RAB33B: variants seen among roughly 807,000 people sequenced by gnomAD.
The protein encoded by RAB33B is RAB33B, member RAS oncogene family, also known as ras-related protein Rab-33B.
In RAB33B, 6 loss-of-function variants were observed where a neutral mutation model predicts 15.0. The observed-to-expected ratio is 0.40, with a 90% CI of 0.22 to 0.79. The LOEUF is 0.79. Ranked by LOEUF, RAB33B falls within the 30% of genes least tolerant of loss-of-function variation. The probability of loss-of-function intolerance (pLI) is 0.37; values close to 1 mark genes in which losing one functional copy is unlikely to be tolerated. For missense variants in RAB33B, 257 were observed against 296.4 expected, an observed-to-expected ratio of 0.87 and a Z score of 0.98; for synonymous variants, 117 against 108.3, an observed-to-expected ratio of 1.08 and a Z score of -0.50.
chr4:139,461,282 C>T (rs1292051814), intron 1 of RAB33B, among the ~76,000 whole-genome samples: 3 of 151,906 alleles, frequency 2.0e-5, no homozygotes, highest in Admixed American at 6.6e-5. Flanking sequence ...AGGGGAGGGC[C>T]GATTCCCAAG....
chr4:139,455,780 G>A (rs1750058658), intron 1 of RAB33B, among the ~76,000 whole-genome samples: 6 of 152,210 alleles, frequency 3.9e-5, no homozygotes, highest in Admixed American at 3.9e-4. Flanking sequence ...AGCTTCTGAA[G>A]TTCCAAGGGA....
rs1392056372 is a variant in RAB33B at position 139,476,267 on chromosome 4, A to G, written c.*3141A>G. 1 of 152,238 alleles carries G rather than the reference A, an allele frequency of 6.6e-6. No homozygotes were observed. The highest frequency in any genetic ancestry group is 2.4e-5 in the African/African-American group (1 of 41,464). The allele number at this position is 152,238 out of a possible 1,614,324, so 9.4% of individuals were successfully genotyped here. A position where few individuals can be genotyped will look rare whatever the true frequency, so the allele number is the denominator to read the frequency against. ...AACAGAATGAATAACTATAGAAAGT[A>G]TGAGAAAAGAGAACGAACTACGTCT... On this transcript the variant is annotated 3_prime_UTR_variant, in exon 2 of 2. Transcript: ENST00000305626.
the RAB33B span, among the ~76,000 whole-genome samples, chr4:139,442,410 G>A: frequency 6.6e-6 from 1 of 152,196 alleles, no homozygotes; most frequent in African/African-American, 2.4e-5. Flanking sequence ...TTAATAGTGA[G>A]TGTCAACTTG....
chr4:139,444,260 A>G, the RAB33B span, among the ~76,000 whole-genome samples: 1 of 152,144 alleles, frequency 6.6e-6, no homozygotes, highest in Non-Finnish European at 1.5e-5. Flanking sequence ...TGAAATATGG[A>G]TTAAAAAATG....
At chr4:139,454,751 G>A (rs1193091463) in intron 1 of RAB33B, among the ~76,000 whole-genome samples, 1 of 152,162 alleles carries the variant, frequency 6.6e-6, no homozygotes, top group Non-Finnish European at 1.5e-5. Context: ...GGAGTGTAGG[G>A]CTTATCTACC....
rs1458307442 is a variant in RAB33B at position 139,474,956 on chromosome 4, A to G, written c.*1830A>G. 6.6e-6 allele frequency: 1 copy of G among 152,450 alleles called. No homozygotes were observed. Among genetic ancestry groups the G allele is most frequent in the Non-Finnish European group, 1.5e-5 (1 of 67,980 alleles). 9.4% of individuals were successfully genotyped at this position (152,450 alleles called of 1,614,324 possible). On this transcript the variant is annotated 3_prime_UTR_variant, in exon 2 of 2. Transcript: ENST00000305626. ...TAATCTAGTTTAAGATTTTTGTTTA[A>G]TCATCATGGTGGTCCTACCTGGATA...
rs1255453030 is a variant in RAB33B at position 139,455,484 on chromosome 4, C to A, written c.249+1040C>A. ...GGCAAGAACAATTTATTTTTCAGTT[C>A]CCTAATCATCGCCCCCCACCCCAAC... On this transcript the variant is annotated intron_variant, in intron 1 of 1. Transcript: ENST00000305626. Among the ~76,000 whole-genome samples the A allele has an allele frequency of 2.0e-5, 3 of 152,140 alleles. No individual in the cohort carries two copies. In the East Asian group the frequency reaches 5.8e-4, roughly 29 times the overall value.
intron 1 of RAB33B, among the ~76,000 whole-genome samples, chr4:139,458,281 CTCTT>C (rs1201240693): frequency 2.0e-5 from 3 of 151,950 alleles, no homozygotes; most frequent in Admixed American, 6.6e-5. Context: ...CTGTCTCTCT[CTCTT>C]TTTTTTTTAA....
In RAB33B at chr4:139,472,547, C is replaced by T. The variant is rs571531312; in HGVS notation, c.250-139C>T. 1.2e-4 allele frequency: 77 copies of T among 639,132 alleles called. No homozygotes were observed. In the African/African-American group the frequency reaches 1.3e-3, roughly 11 times the overall value. 39.6% of individuals were successfully genotyped at this position (639,132 alleles called of 1,614,324 possible). On this transcript the variant is annotated intron_variant, in intron 1 of 1. Coordinates refer to ENST00000305626, the MANE Select transcript of RAB33B (RefSeq NM_031296.3). ...TGAAGTCTGGATCCCATAGGTAACA[C>T]TGAAAAGACATTATGGAAGGGAGAA...
rs1187861686 is a variant in RAB33B, at chr4:139,472,716, C to T, written c.280C>T (p.Arg94Ter). Residue 94 changes from arginine to a stop codon, truncating the protein, a stop_gained, in exon 2 of 2, where the codon CGA becomes TGA. Transcript: ENST00000305626. LOFTEE classifies it high-confidence loss of function. ...GCTATGGGACACAGCAGGACAAGAA[C>T]GATTCAGAAAGAGCATGGTTCAGCA... ...IQLWDTAGQERFRKSMVQHYY... is the reference protein window; with the variant it reads ...IQLWDTAGQE 8.7e-6 allele frequency: 14 copies of T among 1,607,280 alleles called. No individual in the cohort carries two copies. Among genetic ancestry groups the T allele is most frequent in the Admixed American group, 5.0e-5 (3 of 59,884 alleles).
At chr4:139,469,526 C>T (rs1750352615) in intron 1 of RAB33B, among the ~76,000 whole-genome samples, 1 of 152,122 alleles carries the variant, frequency 6.6e-6, no homozygotes, top group Non-Finnish European at 1.5e-5. Context: ...TTGGTGAAGT[C>T]ATGTTTTCCT....
chr4:139,467,578 C>A (rs747880903), intron 1 of RAB33B, among the ~76,000 whole-genome samples: 2 of 151,572 alleles, frequency 1.3e-5, no homozygotes, highest in Non-Finnish European at 2.9e-5. Flanking sequence ...CAATTCAGGC[C>A]AGGTGCAGTG....
intron 1 of RAB33B, among the ~76,000 whole-genome samples, chr4:139,464,091 A>G (rs1241225415): frequency 6.6e-6 from 1 of 152,006 alleles, no homozygotes; most frequent in Non-Finnish European, 1.5e-5. Context: ...TGGGCAACAT[A>G]GTGTGACCAC....
chr4:139,444,302 C>A, the RAB33B span, among the ~76,000 whole-genome samples: 1 of 152,236 alleles, frequency 6.6e-6, no homozygotes, highest in East Asian at 1.9e-4. Context: ...AATGCCTGAT[C>A]TCTCTCAATT....
chr4:139,472,908 G>C lies in RAB33B; in HGVS notation c.472G>C (p.Val158Leu). The change falls in exon 2 of 2, where the codon GTA becomes CTA. Residue 158 changes from valine to leucine, a missense_variant. By Grantham distance (32) the Val-to-Leu change is conservative. Transcript: ENST00000305626. ...ATGTGACTTGAGAAGTGCCATACAG[G>C]TACCCACAGACTTGGCACAAAAATT... is the stretch of plus-strand genomic sequence containing the variant. ...NKCDLRSAIQ[V>L]PTDLAQKFAD... The C allele has an allele frequency of 1.2e-6, 2 of 1,614,120 alleles. No homozygotes were observed. The highest frequency in any genetic ancestry group is 2.2e-5 in the South Asian group (2 of 91,088).
At chr4:139,446,793 G>A in the RAB33B span, among the ~76,000 whole-genome samples, 18 of 152,290 alleles carry the variant, frequency 1.2e-4, no homozygotes, top group East Asian at 3.3e-3. Flanking sequence ...TCGGGAACAT[G>A]GACTTCCACC....
chr4:139,455,310 T>G (rs1190921337), intron 1 of RAB33B, among the ~76,000 whole-genome samples: 1 of 152,202 alleles, frequency 6.6e-6, no homozygotes, highest in Non-Finnish European at 1.5e-5. Flanking sequence ...TGCCACCTGT[T>G]GATGCCACTC....
chr4:139,459,549 C>T (rs1750130227), intron 1 of RAB33B, among the ~76,000 whole-genome samples: 1 of 152,136 alleles, frequency 6.6e-6, no homozygotes, highest in African/African-American at 2.4e-5. Flanking sequence ...ACATACCTGT[C>T]TTACCTCCCT....
the RAB33B span, among the ~76,000 whole-genome samples, chr4:139,445,398 T>C: frequency 6.6e-6 from 1 of 152,238 alleles, no homozygotes; most frequent in Non-Finnish European, 1.5e-5. Context: ...TCGGATCCAG[T>C]GAGCAAGAAG....
Sources: gnomAD v4.1 joint callset for allele counts (sites outside exome capture counted in the v4.1 genomes callset) on GRCh38, gnomAD v4.1.1 for gene constraint, MANE v1.5 for transcripts, NCBI Gene and HGNC (gene_info 2026-07-23, HGNC 2026-07-21) for gene names.